The following HDDC2 variants were observed in gnomAD, a reference collection of about 807,000 sequenced individuals.
HDDC2 encodes the protein HD domain containing 2.
A neutral mutation model predicts 25.5 loss-of-function variants in HDDC2; 25 were observed. The observed-to-expected ratio is 0.98, with a 90% CI of 0.72 to 1.37. The LOEUF (loss-of-function observed/expected upper bound fraction) is 1.37. Among genes scored for constraint, HDDC2 ranks in the 40% most tolerant of loss-of-function variants. The pLI, the probability that HDDC2 is intolerant of heterozygous loss-of-function variation, is 0.00. For missense variants in HDDC2, 264 were observed against 253.1 expected (o/e 1.04, Z -0.29); for synonymous variants, 106 against 89.7 (o/e 1.18, Z -1.03).
chr6:125,301,564 G>A (rs1049307231), intron 1 of HDDC2, among the ~76,000 whole-genome samples: 13 of 150,112 alleles, frequency 8.7e-5, no homozygotes, highest in Admixed American at 5.9e-4. Flanking sequence ...CAGGCCGGCT[G>A]CTCTCCGGGA....
In HDDC2 at chr6:125,286,495, A is replaced by G. The variant is rs551329912; in HGVS notation, c.378+6346T>C. Among the ~76,000 whole-genome samples, 4 of 152,380 alleles carry G rather than the reference A, an allele frequency of 2.6e-5. No homozygotes were observed. The South Asian group carries it at 8.3e-4, about 32-fold the overall frequency. On this transcript the variant is annotated intron_variant, in intron 4 of 5. Transcript: ENST00000398153. ...ATTTATAGAACTTTCTAATGCTAGC[A>G]TCTTCTCTGTACTACGTAGCCAGGA...
chr6:125,279,906 A>G (rs1437882560), intron 4 of HDDC2, among the ~76,000 whole-genome samples: 3 of 152,220 alleles, frequency 2.0e-5, no homozygotes, highest in Non-Finnish European at 4.4e-5. Context: ...TCAAAAAGAG[A>G]TAAAAGACAT....
At chr6:125,281,715 A>C (rs1253414183) in intron 4 of HDDC2, among the ~76,000 whole-genome samples, 2 of 152,136 alleles carry the variant, frequency 1.3e-5, no homozygotes, top group African/African-American at 4.8e-5. Flanking sequence ...GAAAAGACCA[A>C]ATGTTTGACT....
At chr6:125,276,320 A>AGTGAACCCT in intron 5 of HDDC2, 77 bp from the exon 6 acceptor site, 3 of 1,077,152 alleles carry the variant, frequency 2.8e-6, no homozygotes, top group African/African-American at 1.5e-5. Flanking sequence ...GCTTGATCCC[A>AGTGAACCCT]GGGTTCACTG....
At chr6:125,278,858 T>C (rs1798412900) in intron 4 of HDDC2, 1 of 152,114 alleles carries the variant, frequency 6.6e-6, no homozygotes, top group African/African-American at 2.4e-5. Context: ...TGAACTAAAA[T>C]ATAAAAGTAA....
intron 4 of HDDC2, among the ~76,000 whole-genome samples, chr6:125,285,567 C>T (rs1214349983): frequency 6.6e-6 from 1 of 151,662 alleles, no homozygotes; most frequent in Non-Finnish European, 1.5e-5. Flanking sequence ...GAAGAACCAA[C>T]ATACAGATAC....
At chr6:125,298,591 A>T in intron 3 of HDDC2, 123 bp downstream of exon 3, 1 of 711,198 alleles carries the variant, frequency 1.4e-6, no homozygotes. Context: ...TCCCCTTCCT[A>T]AGACACTACT....
intron 4 of HDDC2, among the ~76,000 whole-genome samples, chr6:125,291,534 T>C (rs1798631617): frequency 6.6e-6 from 1 of 152,192 alleles, no homozygotes; most frequent in African/African-American, 2.4e-5. Context: ...ATGAGGACTC[T>C]AAATAGCCTG....
At position 125,275,525 on chromosome 6, in the gene HDDC2, A is replaced by C. The variant is rs1358235974; in HGVS notation, c.*621T>G. The C allele has an allele frequency of 6.6e-6, 1 of 152,248 alleles. No homozygotes were observed. The highest frequency in any genetic ancestry group is 1.5e-5 in the Non-Finnish European group (1 of 68,068). 9.4% of individuals were successfully genotyped at this position (152,248 alleles called of 1,614,324 possible). A position where few individuals can be genotyped will look rare whatever the true frequency, so the allele number is the denominator to read the frequency against. On this transcript the variant is annotated 3_prime_UTR_variant, in exon 6 of 6. Coordinates refer to ENST00000398153, the MANE Select transcript of HDDC2 (RefSeq NM_016063.3). ...AGGGAAAAATATACAAAGGAATACA[A>C]GTTGCATTTTTATATGCCCCGGTTT...
Position 125,292,885 on chromosome 6 carries a change from G to T in HDDC2, c.334C>A (p.Leu112Ile). The T allele has an allele frequency of 6.2e-7, 1 of 1,612,884 alleles. No individual in the cohort carries two copies. Among genetic ancestry groups the T allele is most frequent in the Non-Finnish European group, 8.5e-7 (1 of 1,179,072 alleles). The change falls in exon 4 of 6, where the codon CTC becomes ATC. Residue 112 changes from leucine (L) to isoleucine (I), a missense_variant. Coordinates refer to ENST00000398153, the MANE Select transcript of HDDC2 (RefSeq NM_016063.3). The part of the protein sequence containing the change: ...EEEAMKQITQ[L>I]LPEDLRKELY... ...TCCTTTCTGAGGTCCTCTGGTAGGA[G>T]CTGGGTTATCTGCTTCATAGCTTCC... is the stretch of plus-strand genomic sequence containing the variant.
chr6:125,281,403 ACTC>A (rs1242209369), intron 4 of HDDC2, among the ~76,000 whole-genome samples: 2 of 152,116 alleles, frequency 1.3e-5, no homozygotes, highest in African/African-American at 4.8e-5. Context: ...GTAACAACAA[ACTC>A]CTCTGAGCTA....
chr6:125,295,480 T>C (rs1798694588), intron 3 of HDDC2, among the ~76,000 whole-genome samples: 1 of 151,304 alleles, frequency 6.6e-6, no homozygotes, highest in Admixed American at 6.6e-5. Flanking sequence ...TTTGACCTCT[T>C]TGTCCTTCAG....
chr6:125,301,442 T>TACACACACACACAC (rs3039619), intron 1 of HDDC2, among the ~76,000 whole-genome samples: 8,459 of 145,046 alleles, frequency 0.058, 339 homozygotes, highest in Non-Finnish European at 0.078. Flanking sequence ...AGCCGCGCTT[T>TACACACACACACAC]ACACACACAC....
chr6:125,298,999 T>C (rs1007138329), intron 2 of HDDC2, among the ~76,000 whole-genome samples, 183 bp from the exon 3 acceptor site: 17 of 152,226 alleles, frequency 1.1e-4, no homozygotes, highest in African/African-American at 4.1e-4. Flanking sequence ...TCAAAACTGT[T>C]AGTTCATATT....
At chr6:125,298,908 A>AT (rs915077450) in intron 2 of HDDC2, 92 bp from the exon 3 acceptor site, 144 of 764,100 alleles carry the variant, frequency 1.9e-4, no homozygotes, top group Non-Finnish European at 2.8e-4. Context: ...TAATATATAT[A>AT]TTTTTTCTCC....
chr6:125,298,968 G>C, intron 2 of HDDC2, 152 bp from the exon 3 acceptor site: 1 of 559,136 alleles, frequency 1.8e-6, no homozygotes, highest in Non-Finnish European at 3.1e-6. Flanking sequence ...GTTATATTCT[G>C]CCAGCCTACA....
chr6:125,283,204 A>G (rs527873069), intron 4 of HDDC2, among the ~76,000 whole-genome samples: 1 of 152,374 alleles, frequency 6.6e-6, no homozygotes, highest in African/African-American at 2.4e-5. Context: ...CCCACAGCCA[A>G]TATCATACTG....
chr6:125,300,290 A>G (rs1798774854), intron 2 of HDDC2: 13 of 457,034 alleles, frequency 2.8e-5, no homozygotes, highest in Non-Finnish European at 5.1e-5. Context: ...CAAGGCCCCA[A>G]TATCACACTT....
intron 2 of HDDC2, among the ~76,000 whole-genome samples, chr6:125,299,867 G>A (rs561603510): frequency 6.6e-6 from 1 of 152,286 alleles, no homozygotes; most frequent in African/African-American, 2.4e-5. Context: ...TGCATGCAGT[G>A]ACTTCTCCTA....
Sources: gnomAD v4.1 joint callset for allele counts (sites outside exome capture counted in the v4.1 genomes callset) on GRCh38, gnomAD v4.1.1 for gene constraint, MANE v1.5 for transcripts, NCBI Gene and HGNC (gene_info 2026-07-23, HGNC 2026-07-21) for gene names.